EDA: variants seen among roughly 807,000 people sequenced by gnomAD.
The protein encoded by EDA is ectodysplasin A, also known as ectodysplasin-A.
Under a neutral mutation model 23.6 loss-of-function variants are expected in EDA, and 2 were observed. The ratio of observed to expected loss-of-function variants is 0.08; its 90% CI spans 0.03 to 0.27. The LOEUF is 0.27. Ranked by LOEUF, EDA falls within the 10% of genes least tolerant of loss-of-function variation. EDA has a pLI of 1.00. For synonymous variants in EDA, 131 were observed against 132.0 expected (o/e 0.99, Z 0.05); for missense variants, 229 against 324.2 (o/e 0.71, Z 2.26).
Position 69,710,899 on chromosome X carries a change from A to C in EDA, c.396+94195A>C, listed in dbSNP as rs1416323111. Reference sequence around the variant, plus strand: ...AGCTTAAGGAGATTTTGGGCTGAGAAGATGGGGTTTTCTAGATATACAATC... The same window carrying C: ...AGCTTAAGGAGATTTTGGGCTGAGACGATGGGGTTTTCTAGATATACAATC... On this transcript the variant is annotated intron_variant, in intron 1 of 7. Transcript: ENST00000374552. Among the ~76,000 whole-genome samples the C allele has an allele frequency of 5.5e-5, 6 of 108,171 alleles. No individual in the cohort carries two copies. The East Asian group carries it at 8.8e-4, about 16-fold the overall frequency. The allele number at this position is 108,171 out of a possible 115,157, so 93.9% of individuals were successfully genotyped here.
chrX:69,669,817 C>T (rs960449316), intron 1 of EDA, among the ~76,000 whole-genome samples: 13 of 110,839 alleles, frequency 1.2e-4, no homozygotes, highest in Non-Finnish European at 2.1e-4. Flanking sequence ...CAACCCTTGC[C>T]CCCTACCCCA....
intron 1 of EDA, among the ~76,000 whole-genome samples, chrX:69,707,603 T>G (rs777795485): frequency 1.8e-5 from 2 of 111,885 alleles, no homozygotes; most frequent in Non-Finnish European, 3.8e-5. Flanking sequence ...CCCAACTGTT[T>G]GCCTTTTGTA....
chrX:69,721,461 A>G (rs757123614), intron 1 of EDA, among the ~76,000 whole-genome samples: 1 of 111,555 alleles, frequency 9.0e-6, no homozygotes. Context: ...GGTCTCTCCT[A>G]TAGGTTCAGC....
intron 3 of EDA, among the ~76,000 whole-genome samples, chrX:70,023,478 C>CTTTTTTTTTTTTTTTTT (rs754981946): frequency 3.0e-5 from 1 of 33,500 alleles, no homozygotes; most frequent in African/African-American, 1.4e-4. Flanking sequence ...TCTTTTTATT[C>CTTTTTTTTTTTTTTTTT]TTTTTTTTTT....
At chrX:69,690,108 A>C (rs1934668797) in intron 1 of EDA, among the ~76,000 whole-genome samples, 1 of 110,763 alleles carries the variant, frequency 9.0e-6, no homozygotes, top group African/African-American at 3.3e-5. Context: ...ATATTATGTT[A>C]TCTGCAAACA....
chrX:70,011,934 A>G (rs1310219739), intron 2 of EDA, among the ~76,000 whole-genome samples: 3 of 111,674 alleles, frequency 2.7e-5, no homozygotes, highest in African/African-American at 9.8e-5. Context: ...CACTTGCCCT[A>G]TGGTCATTTT....
rs189921579 is a variant in EDA, at chrX:69,795,831, C to G, written c.397-161196C>G. Among the ~76,000 whole-genome samples, 5 of 112,453 alleles carry G rather than the reference C, an allele frequency of 4.4e-5. No individual in the cohort carries two copies. The East Asian group carries it at 1.1e-3, about 25-fold the overall frequency. ...GGGATCACCTCACCCCATCTACACA[C>G]TATCAGGGGCTTGAGGACAAGCCCA... On this transcript the variant is annotated intron_variant, in intron 1 of 7. Coordinates refer to ENST00000374552, the MANE Select transcript of EDA (RefSeq NM_001399.5).
chrX:69,678,174 G>A (rs1256262931), intron 1 of EDA, among the ~76,000 whole-genome samples: 1 of 110,599 alleles, frequency 9.0e-6, no homozygotes, highest in Non-Finnish European at 1.9e-5. Context: ...CTGTTCCATT[G>A]ATCTATATCT....
At chrX:69,869,551 CT>C (rs757105153) in intron 1 of EDA, among the ~76,000 whole-genome samples, 2 of 111,712 alleles carry the variant, frequency 1.8e-5, no homozygotes, top group East Asian at 5.7e-4. Flanking sequence ...TGTAAACGGG[CT>C]CAAGTCTGGA....
intron 1 of EDA, among the ~76,000 whole-genome samples, chrX:69,865,277 T>C (rs1253836811): frequency 9.1e-6 from 1 of 110,368 alleles, no homozygotes; most frequent in Non-Finnish European, 1.9e-5. Context: ...AGGGTATATA[T>C]ATAAAGTTTA....
intron 1 of EDA, among the ~76,000 whole-genome samples, chrX:69,753,861 T>C (rs1263368963): frequency 1.8e-5 from 2 of 108,309 alleles, no homozygotes; most frequent in Non-Finnish European, 3.8e-5. Flanking sequence ...TCTTTGTTGG[T>C]TTAAAGTCTG....
chrX:69,961,025 GAAAA>G (rs869149209), intron 2 of EDA, among the ~76,000 whole-genome samples: 2 of 84,069 alleles, frequency 2.4e-5, no homozygotes, highest in African/African-American at 8.9e-5. Flanking sequence ...TCCAAAAAAA[GAAAA>G]AAAAAGAAAG....
At position 70,038,007 on chromosome X, in the gene EDA, C is replaced by CAGGA. The variant is rs1220046907; in HGVS notation, c.*2399_*2402dup. The CAGGA allele has an allele frequency of 9.0e-6, 1 of 111,258 alleles. No homozygotes were observed. Among genetic ancestry groups the CAGGA allele is most frequent in the Non-Finnish European group, 1.9e-5 (1 of 53,074 alleles). The allele number at this position is 111,258 out of a possible 1,213,427, so 9.2% of individuals were successfully genotyped here. A position where few individuals can be genotyped will look rare whatever the true frequency, so the allele number is the denominator to read the frequency against. On this transcript the variant is annotated 3_prime_UTR_variant, in exon 8 of 8. Coordinates refer to ENST00000374552, the MANE Select transcript of EDA (RefSeq NM_001399.5). The stretch of plus-strand genomic sequence containing the variant: ...CTTTCATTACCCTACAGACAGCTTA[C>CAGGA]AGGAGCCAGCCTGCTTCCCACAACT...
chrX:69,699,026 C>T (rs1354317697), intron 1 of EDA, among the ~76,000 whole-genome samples: 1 of 111,388 alleles, frequency 9.0e-6, no homozygotes, highest in African/African-American at 3.3e-5. Context: ...AGTCTACTTG[C>T]CAATCTTGCC....
At chrX:70,001,028 A>G (rs2019733453) in intron 2 of EDA, among the ~76,000 whole-genome samples, 1 of 112,094 alleles carries the variant, frequency 8.9e-6, no homozygotes, top group East Asian at 2.8e-4. Context: ...GGCAATAATG[A>G]AAATATTAAA....
chrX:69,631,827 C>G (rs1352965485), intron 1 of EDA, among the ~76,000 whole-genome samples: 2 of 111,156 alleles, frequency 1.8e-5, no homozygotes, highest in Non-Finnish European at 3.8e-5. Flanking sequence ...AAAATAAGTT[C>G]CTCACATTAG....
At chrX:69,928,748 C>G (rs1157399488) in intron 1 of EDA, among the ~76,000 whole-genome samples, 1 of 111,707 alleles carries the variant, frequency 9.0e-6, no homozygotes, top group Non-Finnish European at 1.9e-5. Flanking sequence ...GGGATATTTC[C>G]TTGGGAAACG....
intron 2 of EDA, among the ~76,000 whole-genome samples, chrX:69,980,095 A>T (rs1206303575): frequency 1.8e-5 from 2 of 111,073 alleles, no homozygotes; most frequent in Non-Finnish European, 3.8e-5. Context: ...TTTCACTGTG[A>T]TTTCAGGGCT....
intron 2 of EDA, among the ~76,000 whole-genome samples, chrX:70,001,414 A>G (rs747540444): frequency 1.2e-3 from 132 of 111,950 alleles, no homozygotes; most frequent in African/African-American, 4.2e-3. Context: ...GCCAGCTGCC[A>G]TGGTAGCACT....
Sources: allele counts gnomAD v4.1 joint callset (sites outside exome capture counted in the v4.1 genomes callset), GRCh38; gene constraint gnomAD v4.1.1; transcripts MANE v1.5; gene names NCBI Gene and HGNC (gene_info 2026-07-23, HGNC 2026-07-21).